Variants in PARD6B observed in about 807,000 individuals in gnomAD.
PARD6B encodes partitioning defective 6 homolog beta.
A neutral mutation model predicts 10.5 loss-of-function variants in PARD6B; 4 were observed. That is an observed-to-expected ratio of 0.38 (90% CI 0.19 to 0.87). The LOEUF is 0.87. Ranked by LOEUF, PARD6B falls within the 40% of genes least tolerant of loss-of-function variation. The pLI is 0.41. For missense variants in PARD6B, 396 were observed against 470.6 expected (o/e 0.84, Z 1.47); for synonymous variants, 169 against 170.4 (o/e 0.99, Z 0.07).
In PARD6B at chr20:50,749,656, CAGA is replaced by C; in HGVS notation, c.293_295del (p.Glu98del). The C allele has an allele frequency of 1.3e-6, 2 of 1,556,552 alleles. No homozygotes were observed. The highest frequency in any genetic ancestry group is 2.3e-5 in the East Asian group (1 of 44,334). ...ATAATTATTTTGTTTTATTTTTAAA[CAGA>C]AGAAGCAGACTACAGTGCCTTTGGT... On this transcript the variant is annotated splice_acceptor_variant and coding_sequence_variant, in exon 3 of 3. Transcript: ENST00000371610. LOFTEE classifies it high-confidence loss of function.
At position 50,732,013 on chromosome 20, in the gene PARD6B, G is replaced by A. The variant is rs79384566; in HGVS notation, c.66+161G>A. Among the ~76,000 whole-genome samples, 721 of 152,338 alleles carry A rather than the reference G, an allele frequency of 4.7e-3. 4 individuals carry two copies. Among genetic ancestry groups the A allele is most frequent in the African/African-American group, 0.015 (625 of 41,586 alleles). On this transcript the variant is annotated intron_variant, in intron 1 of 2. Transcript: ENST00000371610. ...GTGGGTAATAAACTTGCCGAGGAGGGGGTGGCGGGGGTCAGGGGGCGCTAG... is the reference window on the plus strand; with the variant it reads ...GTGGGTAATAAACTTGCCGAGGAGGAGGTGGCGGGGGTCAGGGGGCGCTAG...
At chr20:50,746,327 A>C (rs1488014455) in intron 2 of PARD6B, among the ~76,000 whole-genome samples, 1 of 152,194 alleles carries the variant, frequency 6.6e-6, no homozygotes, top group Non-Finnish European at 1.5e-5. Context: ...GACTATTTGG[A>C]GGCCTTCTAG....
chr20:50,753,269 ATC>A lies in PARD6B; in HGVS notation c.*2785_*2786del, dbSNP rs1231769051. ...ATCTATCAATGGTATTTTCAAGTAGATCTCTGTTTCTTAAATTATTGGTGAAA... is the reference window on the plus strand; with the variant it reads ...ATCTATCAATGGTATTTTCAAGTAGATCTGTTTCTTAAATTATTGGTGAAA... On this transcript the variant is annotated 3_prime_UTR_variant, in exon 3 of 3. Transcript: ENST00000371610. 3 of 983,934 alleles carry A rather than the reference ATC, an allele frequency of 3.0e-6. No homozygotes were observed. In the East Asian group the frequency reaches 3.4e-4, roughly 112 times the overall value. 61.0% of individuals were successfully genotyped at this position (983,934 alleles called of 1,614,324 possible).
Position 50,751,121 on chromosome 20 carries a change from C to T in PARD6B, c.*633C>T. On this transcript the variant is annotated 3_prime_UTR_variant, in exon 3 of 3. Coordinates refer to ENST00000371610, the MANE Select transcript of PARD6B (RefSeq NM_032521.3). ...AGTAGCTGGGACCATAGGCACATACCACCACATCTGTCTACTTTTTGTATT... is the reference window on the plus strand; with the variant it reads ...AGTAGCTGGGACCATAGGCACATACTACCACATCTGTCTACTTTTTGTATT... 1.9e-6 allele frequency: 1 copy of T among 523,848 alleles called. No homozygotes were observed. The highest frequency in any genetic ancestry group is 2.4e-6 in the Non-Finnish European group (1 of 409,548). The allele number at this position is 523,848 out of a possible 1,614,324, so 32.4% of individuals were successfully genotyped here.
rs1407032330 is a variant in PARD6B at position 50,731,743 on chromosome 20, G to C, written c.-44G>C. ...GCACTCGCTCCCCGCGCTCCTGAGG[G>C]GCCGCCCGGCCGGAGGAGGCCGTCG... On this transcript the variant is annotated 5_prime_UTR_variant, in exon 1 of 3. Coordinates refer to ENST00000371610, the MANE Select transcript of PARD6B (RefSeq NM_032521.3). 7.0e-7 allele frequency: 1 copy of C among 1,428,678 alleles called. No individual in the cohort carries two copies. The highest frequency in any genetic ancestry group is 2.9e-5 in the Admixed American group (1 of 34,752). 88.5% of individuals were successfully genotyped at this position (1,428,678 alleles called of 1,614,324 possible).
intron 2 of PARD6B, among the ~76,000 whole-genome samples, chr20:50,746,789 C>T (rs147726609): frequency 6.6e-5 from 10 of 152,226 alleles, no homozygotes; most frequent in African/African-American, 1.9e-4. Flanking sequence ...ATGTAGGCAA[C>T]GTAATACTGT....
chr20:50,753,368 G>A lies in PARD6B; in HGVS notation c.*2880G>A. 2.0e-6 allele frequency: 2 copies of A among 985,276 alleles called. No homozygotes were observed. Among genetic ancestry groups the A allele is most frequent in the Non-Finnish European group, 2.4e-6 (2 of 829,522 alleles). 61.0% of individuals were successfully genotyped at this position (985,276 alleles called of 1,614,324 possible). On this transcript the variant is annotated 3_prime_UTR_variant, in exon 3 of 3. Coordinates refer to ENST00000371610, the MANE Select transcript of PARD6B (RefSeq NM_032521.3). ...CGATAAAATATCAGCTCATTGGTAG[G>A]CTGAATCAATTATTTCAAGTGCACC...
Position 50,752,466 on chromosome 20 carries a change from C to A in PARD6B, c.*1978C>A, listed in dbSNP as rs541159192. 5.1e-6 allele frequency: 5 copies of A among 985,624 alleles called. No individual in the cohort carries two copies. In the East Asian group the frequency reaches 5.7e-4, roughly 112 times the overall value. The allele number at this position is 985,624 out of a possible 1,614,324, so 61.1% of individuals were successfully genotyped here. ...ATTTTATGAGGCTATTTATTACTTT[C>A]CAATGCATCCACTTAGAACAAGCTA... On this transcript the variant is annotated 3_prime_UTR_variant, in exon 3 of 3. Transcript: ENST00000371610.
chr20:50,750,954 A>AT lies in PARD6B; in HGVS notation c.*498dup, dbSNP rs565068464. 2,471 of 386,980 alleles carry AT rather than the reference A, an allele frequency of 6.4e-3. 231 individuals are homozygous for AT. The highest frequency in any genetic ancestry group is 0.035 in the African/African-American group (950 of 27,306). The allele number at this position is 386,980 out of a possible 1,614,324, so 24.0% of individuals were successfully genotyped here. A position where few individuals can be genotyped will look rare whatever the true frequency, so the allele number is the denominator to read the frequency against. The stretch of plus-strand genomic sequence containing the variant: ...CTCATGTTCCCAATATTTTATTTTG[A>AT]TTTTTTTTTTTTTTTTTTTTTTTTT... On this transcript the variant is annotated 3_prime_UTR_variant, in exon 3 of 3. Transcript: ENST00000371610.
intron 2 of PARD6B, among the ~76,000 whole-genome samples, chr20:50,745,552 T>A (rs1487722171): frequency 6.6e-6 from 1 of 152,118 alleles, no homozygotes; most frequent in African/African-American, 2.4e-5. Flanking sequence ...CAGATTGGAG[T>A]GCAGTGGTGC....
rs149899269 is a variant in PARD6B at position 50,750,560 on chromosome 20, T to C, written c.*72T>C. The C allele has an allele frequency of 7.9e-3, 11,988 of 1,519,996 alleles. 48 individuals carry two copies. The highest frequency in any genetic ancestry group is 9.2e-3 in the Non-Finnish European group (10,526 of 1,139,196). The allele number at this position is 1,519,996 out of a possible 1,614,324, so 94.2% of individuals were successfully genotyped here. A position where few individuals can be genotyped will look rare whatever the true frequency, so the allele number is the denominator to read the frequency against. ...TACATTTGGCTAGTTTAAAAGCATA[T>C]ATACCTCTGACCAGTGACGTGGAAT... On this transcript the variant is annotated 3_prime_UTR_variant, in exon 3 of 3. Transcript: ENST00000371610.
rs2087594719 is a variant in PARD6B at position 50,750,331 on chromosome 20, C to T, written c.962C>T (p.Thr321Ile). The T allele has an allele frequency of 1.2e-6, 2 of 1,614,184 alleles. No individual in the cohort carries two copies. The highest frequency in any genetic ancestry group is 1.7e-6 in the Non-Finnish European group (2 of 1,180,030). ...VPNTESLESL[T>I]QIELSFESGQ... Reference sequence around the variant, plus strand: ...AATACTGAGAGCCTGGAGTCATTAACACAGATAGAGCTAAGCTTTGAGTCT... The same window carrying T: ...AATACTGAGAGCCTGGAGTCATTAATACAGATAGAGCTAAGCTTTGAGTCT... Residue 321 changes from threonine to isoleucine, a missense_variant, in exon 3 of 3, where the codon ACA becomes ATA. This residue lies in a region of PARD6B where 188 missense variants were observed against 169.7 expected (regional missense o/e 1.11). Transcript: ENST00000371610.
chr20:50,753,068 C>CCT lies in PARD6B; in HGVS notation c.*2587_*2588dup, dbSNP rs11469346. The CCT allele has an allele frequency of 0.37, 343,443 of 933,692 alleles. 39,968 individuals are homozygous for CCT. The highest frequency in any genetic ancestry group is 0.58 in the East Asian group (4,928 of 8,440). The allele number at this position is 933,692 out of a possible 1,614,324, so 57.8% of individuals were successfully genotyped here. On this transcript the variant is annotated 3_prime_UTR_variant, in exon 3 of 3. Coordinates refer to ENST00000371610, the MANE Select transcript of PARD6B (RefSeq NM_032521.3). ...TAAGTAAAAATATTTTTACACACTA[C>CCT]CTCTCTCTTTTTTTTTTTAAAGTTT... is the stretch of plus-strand genomic sequence containing the variant.
At chr20:50,734,413 C>G (rs1462273767) in intron 1 of PARD6B, among the ~76,000 whole-genome samples, 2 of 151,988 alleles carry the variant, frequency 1.3e-5, no homozygotes, top group African/African-American at 2.4e-5. Flanking sequence ...ATGGCACGAT[C>G]ACGGCTCACT....
rs2087610830 is a variant in PARD6B, at chr20:50,751,607, A to G, written c.*1119A>G. The stretch of plus-strand genomic sequence containing the variant: ...CTGATCCGCCCGCCTCGGCCTCCCA[A>G]AGTGCTGGGATTACAGGCGTGAGCC... On this transcript the variant is annotated 3_prime_UTR_variant, in exon 3 of 3. Transcript: ENST00000371610. The G allele has an allele frequency of 3.1e-6, 3 of 982,120 alleles. No homozygotes were observed. The highest frequency in any genetic ancestry group is 9.4e-5 in the South Asian group (2 of 21,224). The allele number at this position is 982,120 out of a possible 1,614,324, so 60.8% of individuals were successfully genotyped here. A position where few individuals can be genotyped will look rare whatever the true frequency, so the allele number is the denominator to read the frequency against.
At position 50,749,621 on chromosome 20, in the gene PARD6B, C is replaced by T. The variant is rs771948416; in HGVS notation, c.290-38C>T. 4 of 1,480,602 alleles carry T rather than the reference C, an allele frequency of 2.7e-6. No homozygotes were observed. The Admixed American group carries it at 6.9e-5, about 26-fold the overall frequency. 91.7% of individuals were successfully genotyped at this position (1,480,602 alleles called of 1,614,324 possible). A position where few individuals can be genotyped will look rare whatever the true frequency, so the allele number is the denominator to read the frequency against. ...AGCTGCAAGTGAATAGATATTTTTA[C>T]AGCATTTCTATAATTATTTTGTTTT... is the stretch of plus-strand genomic sequence containing the variant. On this transcript the variant is annotated intron_variant, in intron 2 of 2. Transcript: ENST00000371610.
In PARD6B at chr20:50,750,836, C is replaced by G; in HGVS notation, c.*348C>G. 9.8e-7 allele frequency: 1 copy of G among 1,020,214 alleles called. No individual in the cohort carries two copies. The highest frequency in any genetic ancestry group is 1.2e-6 in the Non-Finnish European group (1 of 851,176). 63.2% of individuals were successfully genotyped at this position (1,020,214 alleles called of 1,614,324 possible). The stretch of plus-strand genomic sequence containing the variant: ...GCATATTTAACCTGCTGTGCAGAGC[C>G]CAGTTAATTTTTCCTTTAACTGTAT... On this transcript the variant is annotated 3_prime_UTR_variant, in exon 3 of 3. Transcript: ENST00000371610.
At chr20:50,748,924 A>G (rs1441302507) in intron 2 of PARD6B, among the ~76,000 whole-genome samples, 1 of 152,212 alleles carries the variant, frequency 6.6e-6, no homozygotes, top group Non-Finnish European at 1.5e-5. Flanking sequence ...CTGTACTCCT[A>G]GCACATTGAG....
intron 2 of PARD6B, among the ~76,000 whole-genome samples, chr20:50,741,793 G>A (rs1406092345): frequency 6.6e-6 from 1 of 151,860 alleles, no homozygotes. Flanking sequence ...TGATCCGCCC[G>A]TCTCGGCCTC....
Sources: gnomAD v4.1 joint callset for allele counts (sites outside exome capture counted in the v4.1 genomes callset) on GRCh38, gnomAD v4.1.1 for gene constraint, gnomAD v4.1.1 regional missense constraint, MANE v1.5 for transcripts, NCBI Gene and HGNC (gene_info 2026-07-23, HGNC 2026-07-21) for gene names.